Variants in EXOC6 observed in about 807,000 individuals in gnomAD.
EXOC6 encodes exocyst complex component 6.
A neutral mutation model predicts 112.5 loss-of-function variants in EXOC6; 60 were observed. The observed-to-expected ratio is 0.53, with a 90% confidence interval of 0.43 to 0.66. The LOEUF (loss-of-function observed/expected upper bound fraction) is 0.66. Among genes scored for constraint, EXOC6 ranks in the 30% least tolerant of loss-of-function variants. The pLI, the probability that EXOC6 is intolerant of heterozygous loss-of-function variation, is 0.00. For missense variants in EXOC6, 855 were observed against 957.1 expected (o/e 0.89, Z 1.41); for synonymous variants, 295 against 308.0 (o/e 0.96, Z 0.44).
intron 1 of EXOC6, among the ~76,000 whole-genome samples, chr10:92,880,014 T>G (rs537461028): frequency 6.6e-6 from 1 of 152,362 alleles, no homozygotes; most frequent in African/African-American, 2.4e-5. Context: ...TTTTATTTCA[T>G]AATACTTAGT....
rs1849606377 is a variant in EXOC6 at position 92,893,503 on chromosome 10, G to A, written c.256G>A (p.Asp86Asn). Reference sequence around the variant, plus strand: ...TACAGAACTCCTTAAAGTAAGGACTGATGCAGAAAAACTGAAGGTAAGAAA... The same window carrying A: ...TACAGAACTCCTTAAAGTAAGGACTAATGCAGAAAAACTGAAGGTAAGAAA... Reference protein sequence around the residue: ...AITELLKVRTDAEKLKVQVTD... With the variant: ...AITELLKVRTNAEKLKVQVTD... Residue 86 changes from aspartate (D) to asparagine (N), a missense_variant, in exon 2 of 22, where the codon GAT becomes AAT. By Grantham distance (23) the Asp-to-Asn change is conservative. Coordinates refer to ENST00000260762, the MANE Select transcript of EXOC6 (RefSeq NM_019053.6). 3 of 1,597,672 alleles carry A rather than the reference G, an allele frequency of 1.9e-6. No homozygotes were observed. The highest frequency in any genetic ancestry group is 2.6e-6 in the Non-Finnish European group (3 of 1,173,816).
At chr10:92,848,133 T>C (rs1847123898), upstream of EXOC6, among the ~76,000 whole-genome samples, 1 of 152,126 alleles carries the variant, frequency 6.6e-6, no homozygotes, top group African/African-American at 2.4e-5. Flanking sequence ...CCGTGGCTCT[T>C]ATTACAGATT....
chr10:92,952,412 G>T, intron 15 of EXOC6, 30 bp downstream of exon 15: 1 of 1,319,556 alleles, frequency 7.6e-7, no homozygotes, highest in Non-Finnish European at 1.1e-6. Flanking sequence ...ATGCATTTTT[G>T]TCATAACTTT....
Position 92,896,181 on chromosome 10 carries a change from ATT to A in EXOC6, c.412+1196_412+1197del, listed in dbSNP as rs58783356. Among the ~76,000 whole-genome samples, 17 of 10,226 alleles carry A rather than the reference ATT, an allele frequency of 1.7e-3. No homozygotes were observed. In the East Asian group the frequency reaches 0.028, roughly 17 times the overall value. The allele number at this position is 10,226 out of a possible 152,430, so 6.7% of individuals were successfully genotyped here. A position where few individuals can be genotyped will look rare whatever the true frequency, so the allele number is the denominator to read the frequency against. ...TATATATATATATATATATATATAT[ATT>A]TTTTTTTTTTTTTTTTTTTTTTTTT... On this transcript the variant is annotated intron_variant, in intron 4 of 21. Coordinates refer to ENST00000260762, the MANE Select transcript of EXOC6 (RefSeq NM_019053.6).
chr10:93,037,033 A>T (rs1845544200), intron 20 of EXOC6, among the ~76,000 whole-genome samples: 1 of 152,150 alleles, frequency 6.6e-6, no homozygotes, highest in African/African-American at 2.4e-5. Flanking sequence ...TAAATATCAT[A>T]TATGCAGTAA....
At chr10:92,878,943 T>A (rs566574843) in intron 1 of EXOC6, among the ~76,000 whole-genome samples, 2 of 152,328 alleles carry the variant, frequency 1.3e-5, no homozygotes, top group Non-Finnish European at 1.5e-5. Context: ...AAAAGGTCTT[T>A]AAAAATATGT....
At chr10:92,977,109 T>A (rs2134107640) in intron 18 of EXOC6, among the ~76,000 whole-genome samples, 1 of 152,260 alleles carries the variant, frequency 6.6e-6, no homozygotes, top group African/African-American at 2.4e-5. Context: ...AGGTTGCAAA[T>A]TATTTTGTGT....
At chr10:92,963,039 A>G (rs1415678325) in intron 17 of EXOC6, among the ~76,000 whole-genome samples, 1 of 152,206 alleles carries the variant, frequency 6.6e-6, no homozygotes, top group Non-Finnish European at 1.5e-5. Flanking sequence ...AGCAGAGATG[A>G]GGATAAGGAA....
intron 1 of EXOC6, among the ~76,000 whole-genome samples, chr10:92,869,755 C>T (rs760670943): frequency 1.6e-4 from 24 of 152,006 alleles, no homozygotes; most frequent in East Asian, 3.8e-4. Flanking sequence ...TTTTCAGTTA[C>T]GTAATCATAT....
chr10:92,912,238 C>T (rs1017679034), intron 6 of EXOC6, among the ~76,000 whole-genome samples: 1 of 151,938 alleles, frequency 6.6e-6, no homozygotes, highest in East Asian at 1.9e-4. Flanking sequence ...TAAACCCATT[C>T]TTTTTTTCCT....
intron 20 of EXOC6, among the ~76,000 whole-genome samples, chr10:93,031,510 C>CTTTTTTTTTTTTTTTTTTTTT (rs778524287): frequency 7.7e-5 from 10 of 130,448 alleles, no homozygotes; most frequent in Non-Finnish European, 1.1e-4. Flanking sequence ...TTCTTTCTTT[C>CTTTTTTTTTTTTTTTTTTTTT]TTTTTTTTTT....
chr10:92,923,476 A>C (rs1851553046), intron 8 of EXOC6, among the ~76,000 whole-genome samples: 1 of 152,166 alleles, frequency 6.6e-6, no homozygotes, highest in African/African-American at 2.4e-5. Flanking sequence ...ATGAGATTCT[A>C]GTCAAGATGT....
chr10:92,927,620 A>G (rs1851796870), intron 8 of EXOC6, among the ~76,000 whole-genome samples: 1 of 152,244 alleles, frequency 6.6e-6, no homozygotes, highest in South Asian at 2.1e-4. Context: ...TTTAGACAGC[A>G]CAGACATAGT....
intron 12 of EXOC6, among the ~76,000 whole-genome samples, chr10:92,936,442 A>C (rs1852343279): frequency 6.6e-6 from 1 of 152,220 alleles, no homozygotes; most frequent in Non-Finnish European, 1.5e-5. Context: ...CTGGTTTTCC[A>C]TGTGTTCTAT....
rs1347069939 is a variant in EXOC6 at position 92,896,174 on chromosome 10, TATATATA to T, written c.412+1155_412+1161del. On this transcript the variant is annotated intron_variant, in intron 4 of 21. Coordinates refer to ENST00000260762, the MANE Select transcript of EXOC6 (RefSeq NM_019053.6). ...ATATATATATATATATATATATATA[TATATATA>T]TTTTTTTTTTTTTTTTTTTTTTTTT... Among the ~76,000 whole-genome samples, 84 of 23,016 alleles carry T rather than the reference TATATATA, an allele frequency of 3.6e-3. 1 individual carries two copies. Among genetic ancestry groups the T allele is most frequent in the Admixed American group, 9.8e-3 (10 of 1,020 alleles). 15.1% of individuals were successfully genotyped at this position (23,016 alleles called of 152,430 possible). A position where few individuals can be genotyped will look rare whatever the true frequency, so the allele number is the denominator to read the frequency against.
intron 18 of EXOC6, among the ~76,000 whole-genome samples, chr10:92,974,446 C>G (rs1842414972): frequency 6.6e-6 from 1 of 152,112 alleles, no homozygotes; most frequent in Non-Finnish European, 1.5e-5. Flanking sequence ...AACTCTCTTT[C>G]CACCAAAGCC....
intron 18 of EXOC6, among the ~76,000 whole-genome samples, chr10:92,986,173 G>C (rs978485661): frequency 2.0e-5 from 3 of 152,042 alleles, no homozygotes; most frequent in African/African-American, 7.2e-5. Flanking sequence ...GTTGTTGACT[G>C]ACTTTTATTG....
chr10:92,843,341 G>C (rs759907830), intron 1 of EXOC6, among the ~76,000 whole-genome samples: 7 of 152,238 alleles, frequency 4.6e-5, no homozygotes, highest in African/African-American at 1.7e-4. Context: ...CATCTGAAAC[G>C]AGTGGCTAAA....
At chr10:92,995,629 C>T (rs1003805408) in intron 18 of EXOC6, among the ~76,000 whole-genome samples, 3 of 152,132 alleles carry the variant, frequency 2.0e-5, no homozygotes, top group Non-Finnish European at 4.4e-5. Context: ...TTCTCTGCTT[C>T]CCCACTTCTC....
Sources: allele counts gnomAD v4.1 joint callset (sites outside exome capture counted in the v4.1 genomes callset), GRCh38; gene constraint gnomAD v4.1.1; transcripts MANE v1.5; gene names NCBI Gene and HGNC (gene_info 2026-07-23, HGNC 2026-07-21).